Variants in PLCL1 observed in about 807,000 individuals in gnomAD.
The protein encoded by PLCL1 is inactive phospholipase C-like protein 1.
Under a neutral mutation model 84.4 loss-of-function variants are expected in PLCL1, and 41 were observed. The ratio of observed to expected loss-of-function variants is 0.49; its 90% confidence interval spans 0.38 to 0.63. The LOEUF (loss-of-function observed/expected upper bound fraction) is 0.63, where lower values mean the gene tolerates loss of function less well. PLCL1 is among the 30% of genes least tolerant of loss of function. The probability of loss-of-function intolerance (pLI) is 0.00; values close to 1 mark genes in which losing one functional copy is unlikely to be tolerated. For missense variants in PLCL1, 1,206 were observed against 1,367.8 expected (o/e 0.88, Z 1.87); for synonymous variants, 490 against 488.3 (o/e 1.00, Z -0.05).
intron 1 of PLCL1, among the ~76,000 whole-genome samples, chr2:198,061,475 A>G (rs1477573020): frequency 1.3e-5 from 2 of 152,068 alleles, no homozygotes; most frequent in Non-Finnish European, 2.9e-5. Flanking sequence ...GCTGTTGCCT[A>G]AGAGGGGAAG....
At chr2:197,907,564 C>T (rs1202614464) in intron 1 of PLCL1, among the ~76,000 whole-genome samples, 5 of 152,144 alleles carry the variant, frequency 3.3e-5, no homozygotes, top group Non-Finnish European at 7.3e-5. Context: ...CCTTCAGTTA[C>T]TTTGGGAAGT....
chr2:198,019,994 T>G (rs1357990255), intron 1 of PLCL1, among the ~76,000 whole-genome samples: 1 of 152,042 alleles, frequency 6.6e-6, no homozygotes. Context: ...GAGAGAAAAA[T>G]CGAGTTACCC....
chr2:198,137,033 TC>T (rs1403691359), intron 5 of PLCL1, among the ~76,000 whole-genome samples: 1 of 152,188 alleles, frequency 6.6e-6, no homozygotes, highest in African/African-American at 2.4e-5. Flanking sequence ...ATCAAGAAAT[TC>T]TTTTATAAAC....
At chr2:197,979,388 C>T (rs999609457) in intron 1 of PLCL1, among the ~76,000 whole-genome samples, 8 of 152,292 alleles carry the variant, frequency 5.3e-5, no homozygotes, top group Middle Eastern at 3.4e-3. Context: ...TTGTTGCTAA[C>T]GTAGTTCTCT....
At chr2:198,067,417 C>T (rs912991458) in intron 1 of PLCL1, among the ~76,000 whole-genome samples, 2 of 151,876 alleles carry the variant, frequency 1.3e-5, no homozygotes, top group Non-Finnish European at 2.9e-5. Flanking sequence ...CATGAGCCAC[C>T]GCACCTGGCC....
At chr2:198,116,315 CT>C (rs1693747381) in intron 5 of PLCL1, among the ~76,000 whole-genome samples, 1 of 151,758 alleles carries the variant, frequency 6.6e-6, no homozygotes, top group South Asian at 2.1e-4. Context: ...GAGGATAAAT[CT>C]TTTTTTCTCC....
chr2:197,889,435 CA>C lies in PLCL1; in HGVS notation c.240+84105del, dbSNP rs375200078. 5.7e-3 allele frequency among the ~76,000 whole-genome samples: 845 copies of C among 149,122 alleles called. 6 individuals carry two copies. The highest frequency in any genetic ancestry group is 0.019 in the African/African-American group (785 of 40,678). On this transcript the variant is annotated intron_variant, in intron 1 of 5. Transcript: ENST00000428675. ...AGATATGATTTTGAGCTGCTTTAAC[CA>C]AAAAAAAACAGGCTTTAAAAGCTCT...
At chr2:197,965,523 G>C (rs1218622363) in intron 1 of PLCL1, among the ~76,000 whole-genome samples, 1 of 151,834 alleles carries the variant, frequency 6.6e-6, no homozygotes, top group Non-Finnish European at 1.5e-5. Flanking sequence ...TAGTTTCATT[G>C]ATCTTTTGTA....
chr2:198,027,066 C>T (rs1342222677), intron 1 of PLCL1, among the ~76,000 whole-genome samples: 1 of 152,120 alleles, frequency 6.6e-6, no homozygotes, highest in Admixed American at 6.6e-5. Context: ...TGCACTCCCA[C>T]GTTCATTACG....
At chr2:198,048,321 A>G (rs563471877) in intron 1 of PLCL1, among the ~76,000 whole-genome samples, 42 of 152,338 alleles carry the variant, frequency 2.8e-4, no homozygotes, top group Admixed American at 2.7e-3. Context: ...TTTCTCATCA[A>G]TGATACCTTT....
Position 197,805,161 on chromosome 2 carries a change from A to G in PLCL1, c.62A>G (p.Asp21Gly). 3.1e-6 allele frequency: 4 copies of G among 1,301,618 alleles called. No homozygotes were observed. The highest frequency in any genetic ancestry group is 2.3e-5 in the South Asian group (1 of 43,210). 80.6% of individuals were successfully genotyped at this position (1,301,618 alleles called of 1,614,324 possible). ...PAPPDAAGGE[D>G]DPRVGPDAAG... ...CCGCCCGACGCGGCGGGGGGCGAAG[A>G]CGACCCCCGAGTGGGCCCGGATGCC... The change falls in exon 1 of 6, where the codon GAC (aspartate) becomes GGC (glycine). Residue 21 changes from aspartate to glycine, a missense_variant. Coordinates refer to ENST00000428675, the MANE Select transcript of PLCL1 (RefSeq NM_006226.4). This position sits in a 1 kb window ranked among gnomAD's most constrained non-coding sequence, Gnocchi z 4.0.
intron 1 of PLCL1, among the ~76,000 whole-genome samples, chr2:197,952,366 T>C (rs1347283078): frequency 6.6e-6 from 1 of 152,166 alleles, no homozygotes; most frequent in Non-Finnish European, 1.5e-5. Flanking sequence ...GTGAAATTCA[T>C]CAATAATGGC....
intron 1 of PLCL1, among the ~76,000 whole-genome samples, chr2:198,074,963 G>C (rs1692544226): frequency 6.6e-6 from 1 of 152,132 alleles, no homozygotes; most frequent in Non-Finnish European, 1.5e-5. Flanking sequence ...AATAATTGGA[G>C]CATTACATTT....
chr2:197,974,215 T>C (rs1271045202), intron 1 of PLCL1, among the ~76,000 whole-genome samples: 1 of 152,184 alleles, frequency 6.6e-6, no homozygotes, highest in Admixed American at 6.5e-5. Flanking sequence ...GATTTTGCCA[T>C]ATTAAGTTTG....
At chr2:197,825,876 T>C (rs1424741211) in intron 1 of PLCL1, among the ~76,000 whole-genome samples, 2 of 152,238 alleles carry the variant, frequency 1.3e-5, no homozygotes, top group Admixed American at 1.3e-4. Context: ...AGGTGAATAA[T>C]GCAATATATC....
chr2:198,135,719 C>A (rs146821629), intron 5 of PLCL1, among the ~76,000 whole-genome samples: 203 of 152,288 alleles, frequency 1.3e-3, no homozygotes, highest in African/African-American at 4.6e-3. Flanking sequence ...AGAGCACCCC[C>A]GTAGGAACCT....
chr2:198,144,182 T>C (rs992852740), intron 5 of PLCL1, among the ~76,000 whole-genome samples: 1 of 152,218 alleles, frequency 6.6e-6, no homozygotes, highest in Non-Finnish European at 1.5e-5. Flanking sequence ...GATAAAATGA[T>C]GTTTTTGTAC....
At chr2:197,997,383 G>A (rs1690492801) in intron 1 of PLCL1, among the ~76,000 whole-genome samples, 1 of 152,210 alleles carries the variant, frequency 6.6e-6, no homozygotes, top group African/African-American at 2.4e-5. Context: ...CAGCCAAGTG[G>A]TTTCTTGTGA....
rs1559097757 is a variant in PLCL1, at chr2:198,084,108, CTA to C, written c.593_594del (p.Tyr198Ter). On this transcript the variant is annotated frameshift_variant, in exon 2 of 6. Transcript: ENST00000428675. LOFTEE classifies it high-confidence loss of function. ...CCTTTTCCATACTCCACGGGGAAAA[CTA>C]TGAGTCTCTGGACCTAGTTGCCAAT... The part of the protein sequence containing the change: ...CAFSILHGEN[Y>X]ESLDLVANSA... The C allele has an allele frequency of 6.2e-7, 1 of 1,614,150 alleles. No individual in the cohort carries two copies. Among genetic ancestry groups the C allele is most frequent in the Admixed American group, 1.7e-5 (1 of 60,022 alleles).
Sources: allele counts gnomAD v4.1 joint callset (sites outside exome capture counted in the v4.1 genomes callset), GRCh38; gene constraint gnomAD v4.1.1; non-coding constraint Gnocchi (gnomAD v3.1); transcripts MANE v1.5; gene names NCBI Gene and HGNC (gene_info 2026-07-23, HGNC 2026-07-21).